Variants in NLGN4Y observed in about 807,000 individuals in gnomAD.
NLGN4Y encodes neuroligin 4 Y-linked.
NLGN4Y carries 4 observed loss-of-function variants against 8.4 expected under a neutral mutation model. The ratio of observed to expected loss-of-function variants is 0.48; its 90% CI spans 0.23 to 1.09. The LOEUF is 1.09. NLGN4Y is among the 50% of genes least tolerant of loss of function. The probability of loss-of-function intolerance (pLI) is 0.19; values close to 1 mark genes in which losing one functional copy is unlikely to be tolerated. For missense variants in NLGN4Y, 90 were observed against 192.3 expected (o/e 0.47, Z 3.15); for synonymous variants, 35 against 75.6 (o/e 0.46, Z 2.78).
intron 1 of NLGN4Y, among the ~76,000 whole-genome samples, chrY:14,551,770 C>T: frequency 3.0e-5 from 1 of 33,022 alleles, no homozygotes; most frequent in African/African-American, 1.2e-4. Flanking sequence ...CTCTGGGACC[C>T]AGCCAAAGCA....
chrY:14,627,142 G>C (rs766788425), intron 2 of NLGN4Y, among the ~76,000 whole-genome samples: 1 of 27,603 alleles, frequency 3.6e-5, no homozygotes, highest in South Asian at 9.3e-4. Flanking sequence ...CCGAGATCTC[G>C]CCACAGCACT....
At chrY:14,657,293 C>T in intron 2 of NLGN4Y, among the ~76,000 whole-genome samples, 2 of 32,478 alleles carry the variant, frequency 6.2e-5, no homozygotes, top group Non-Finnish European at 1.5e-4. Context: ...TCCTCAAACC[C>T]CACCCCAGAT....
chrY:14,730,460 G>A, intron 4 of NLGN4Y, among the ~76,000 whole-genome samples: 4 of 33,245 alleles, frequency 1.2e-4, no homozygotes, highest in Non-Finnish European at 2.2e-4. Context: ...TGTTACATGG[G>A]TTTATTCATA....
intron 1 of NLGN4Y, among the ~76,000 whole-genome samples, chrY:14,546,324 G>A: frequency 1.8e-4 from 6 of 33,198 alleles, no homozygotes; most frequent in Non-Finnish European, 3.7e-4. Context: ...AAAGTCATTG[G>A]TAGCTTGATG....
intron 1 of NLGN4Y, among the ~76,000 whole-genome samples, chrY:14,535,309 A>G (rs2080128058): frequency 3.0e-5 from 1 of 33,719 alleles, no homozygotes; most frequent in East Asian, 7.8e-4. Flanking sequence ...CATTTAGAAA[A>G]TAACAACAGC....
chrY:14,733,202 A>G (rs914350556), intron 4 of NLGN4Y, among the ~76,000 whole-genome samples: 14 of 33,981 alleles, frequency 4.1e-4, no homozygotes, highest in Non-Finnish European at 9.5e-4. Flanking sequence ...CATTTTCTCT[A>G]TATGACTTGT....
At chrY:14,567,005 A>C in intron 1 of NLGN4Y, among the ~76,000 whole-genome samples, 1 of 33,311 alleles carries the variant, frequency 3.0e-5, no homozygotes, top group Non-Finnish European at 7.4e-5. Context: ...GAAACTGAAC[A>C]ACCCGCTCCT....
intron 4 of NLGN4Y, among the ~76,000 whole-genome samples, chrY:14,810,727 G>T: frequency 3.1e-5 from 1 of 32,090 alleles, no homozygotes; most frequent in African/African-American, 1.2e-4. Flanking sequence ...TTATGTAATT[G>T]AAACTAAAGC....
In NLGN4Y at chrY:14,845,310, A is replaced by G; in HGVS notation, c.*4048A>G. Reference sequence around the variant, plus strand: ...TTCCTGAAGATGTCATTTTCATTAAATACATATGCACACACACTCATAAAC... The same window carrying G: ...TTCCTGAAGATGTCATTTTCATTAAGTACATATGCACACACACTCATAAAC... On this transcript the variant is annotated 3_prime_UTR_variant, in exon 7 of 7. Coordinates refer to ENST00000684976, the MANE Select transcript of NLGN4Y (RefSeq NM_001365588.1). 3.0e-5 allele frequency: 1 copy of G among 33,704 alleles called. No homozygotes were observed. Among genetic ancestry groups the G allele is most frequent in the African/African-American group, 1.2e-4 (1 of 8,669 alleles). 8.4% of individuals were successfully genotyped at this position (33,704 alleles called of 400,897 possible).
At chrY:14,679,723 T>C (rs2080761708) in intron 2 of NLGN4Y, among the ~76,000 whole-genome samples, 1 of 33,096 alleles carries the variant, frequency 3.0e-5, no homozygotes, top group Non-Finnish European at 7.4e-5. Context: ...GGTGATGTTA[T>C]TGGGTAATGA....
chrY:14,579,968 A>G, intron 1 of NLGN4Y, among the ~76,000 whole-genome samples: 5 of 29,515 alleles, frequency 1.7e-4, no homozygotes, highest in Non-Finnish European at 3.1e-4. Flanking sequence ...TAGTAGTTCG[A>G]CTTTTAAAAA....
intron 4 of NLGN4Y, among the ~76,000 whole-genome samples, chrY:14,814,947 C>T (rs1037823506): frequency 3.1e-5 from 1 of 32,545 alleles, no homozygotes; most frequent in Admixed American, 2.8e-4. Flanking sequence ...CCTGCACTGA[C>T]GAACTTGAAC....
At chrY:14,545,126 C>CT (rs2080165298) in intron 1 of NLGN4Y, among the ~76,000 whole-genome samples, 2 of 33,181 alleles carry the variant, frequency 6.0e-5, no homozygotes, top group African/African-American at 2.4e-4. Flanking sequence ...TTTTTTATGG[C>CT]TGCATAGTAT....
chrY:14,670,625 A>G (rs1603502334), intron 2 of NLGN4Y, among the ~76,000 whole-genome samples: 1 of 33,420 alleles, frequency 3.0e-5, no homozygotes, highest in South Asian at 6.7e-4. Flanking sequence ...TATCCCACAG[A>G]TATATGCAGA....
intron 4 of NLGN4Y, among the ~76,000 whole-genome samples, chrY:14,771,051 C>A (rs2081106663): frequency 3.1e-5 from 1 of 32,078 alleles, no homozygotes; most frequent in Non-Finnish European, 7.6e-5. Flanking sequence ...AAACATAAGA[C>A]CATGTGAGAA....
At chrY:14,529,234 C>T (rs761824281) in intron 1 of NLGN4Y, among the ~76,000 whole-genome samples, 11 of 31,537 alleles carry the variant, frequency 3.5e-4, no homozygotes, top group Admixed American at 2.1e-3. Context: ...AGTCATGAAA[C>T]GTAGCCTGTC....
chrY:14,643,510 T>C (rs986987605), intron 2 of NLGN4Y, among the ~76,000 whole-genome samples: 4 of 33,292 alleles, frequency 1.2e-4, no homozygotes, highest in Non-Finnish European at 2.2e-4. Context: ...ATATTTCTAT[T>C]ATGATGTTAT....
intron 2 of NLGN4Y, among the ~76,000 whole-genome samples, chrY:14,669,082 G>A (rs1050975452): frequency 1.2e-4 from 4 of 33,412 alleles, no homozygotes; most frequent in African/African-American, 3.5e-4. Context: ...CATTCAAAAT[G>A]TGATAATAAT....
chrY:14,621,470 A>G, intron 1 of NLGN4Y, among the ~76,000 whole-genome samples: 1 of 33,764 alleles, frequency 3.0e-5, no homozygotes, highest in Admixed American at 2.7e-4. Context: ...CATAGATGTG[A>G]TGAGTGTTTT....
Sources: gnomAD v4.1 joint callset for allele counts (sites outside exome capture counted in the v4.1 genomes callset) on GRCh38, gnomAD v4.1.1 for gene constraint, MANE v1.5 for transcripts, NCBI Gene and HGNC (gene_info 2026-07-23, HGNC 2026-07-21) for gene names.